KCNIP4: variants seen among roughly 807,000 people sequenced by gnomAD.
KCNIP4 encodes the protein Kv channel-interacting protein 4.
KCNIP4 carries 12 observed loss-of-function variants against 34.0 expected under a neutral mutation model. That is an observed-to-expected ratio of 0.35 (90% CI 0.23 to 0.57). The LOEUF (loss-of-function observed/expected upper bound fraction) is 0.57, where lower values mean the gene tolerates loss of function less well. Among genes scored for constraint, KCNIP4 ranks in the 20% least tolerant of loss-of-function variants. The probability of loss-of-function intolerance (pLI) is 0.83; values close to 1 mark genes in which losing one functional copy is unlikely to be tolerated. For synonymous variants in KCNIP4, 124 were observed against 102.2 expected, an observed-to-expected ratio of 1.21 and a Z score of -1.29; for missense variants, 238 against 311.7, an observed-to-expected ratio of 0.76 and a Z score of 1.78.
intron 1 of KCNIP4, among the ~76,000 whole-genome samples, chr4:21,802,914 G>C (rs1721085285): frequency 6.6e-6 from 1 of 152,008 alleles, no homozygotes; most frequent in Middle Eastern, 3.2e-3. Context: ...ACTGATCCTG[G>C]AATTTTTTTA....
chr4:21,034,857 C>T (rs1279102615), intron 1 of KCNIP4, among the ~76,000 whole-genome samples: 1 of 152,192 alleles, frequency 6.6e-6, no homozygotes, highest in Admixed American at 6.5e-5. Context: ...GTGGTGCTTT[C>T]AGACATGGTT....
At chr4:21,221,243 A>G (rs9291424) in intron 1 of KCNIP4, among the ~76,000 whole-genome samples, 77,747 of 152,066 alleles carry the variant, frequency 0.51, 22,624 homozygotes, top group African/African-American at 0.81. Context: ...CTAACCTCAC[A>G]TCTCCTAGCA....
intron 1 of KCNIP4, among the ~76,000 whole-genome samples, chr4:20,912,516 C>G (rs187689081): frequency 6.6e-6 from 1 of 150,426 alleles, no homozygotes; most frequent in East Asian, 1.9e-4. Flanking sequence ...AGCAAGCAAC[C>G]AAACAAACAA....
rs16870437 is a variant in KCNIP4, at chr4:21,135,680, T to C, written c.62-252971A>G. Among the ~76,000 whole-genome samples, 465 of 152,310 alleles carry C rather than the reference T, an allele frequency of 3.1e-3. 2 individuals are homozygous for C. Among genetic ancestry groups the C allele is most frequent in the African/African-American group, 0.011 (442 of 41,574 alleles). On this transcript the variant is annotated intron_variant, in intron 1 of 8. Coordinates refer to ENST00000382152, the MANE Select transcript of KCNIP4 (RefSeq NM_025221.6). The stretch of plus-strand genomic sequence containing the variant: ...ATTTTTAAGAGTGTATGGGTAGTAG[T>C]TTTTGATTATTCAGAATATTTGCAT...
intron 1 of KCNIP4, among the ~76,000 whole-genome samples, chr4:21,427,441 A>G (rs1410684684): frequency 2.0e-5 from 3 of 152,056 alleles, no homozygotes; most frequent in Admixed American, 2.0e-4. Flanking sequence ...AATGGTTGGG[A>G]AAGGCTAATG....
chr4:21,101,072 C>A (rs1410109975), intron 1 of KCNIP4, among the ~76,000 whole-genome samples: 1 of 152,160 alleles, frequency 6.6e-6, no homozygotes, highest in Non-Finnish European at 1.5e-5. Context: ...AGACAGTGAA[C>A]ATTGTGCCTA....
chr4:21,609,430 C>A (rs901437349), intron 1 of KCNIP4, among the ~76,000 whole-genome samples: 1 of 152,294 alleles, frequency 6.6e-6, no homozygotes, highest in African/African-American at 2.4e-5. Flanking sequence ...CAATTCCTCA[C>A]TTCGCATGAG....
At chr4:21,615,127 GAA>G (rs1277948497) in intron 1 of KCNIP4, among the ~76,000 whole-genome samples, 2 of 151,236 alleles carry the variant, frequency 1.3e-5, no homozygotes, top group Non-Finnish European at 3.0e-5. Context: ...AGGAGGGAGA[GAA>G]AAGAGTGAAA....
intron 1 of KCNIP4, among the ~76,000 whole-genome samples, chr4:21,270,985 CCAA>C (rs553416629): frequency 0.017 from 2,272 of 132,346 alleles, 61 homozygotes; most frequent in African/African-American, 0.061. Context: ...GTCCCTGTCC[CCAA>C]AAAAAAAAAA....
intron 1 of KCNIP4, among the ~76,000 whole-genome samples, chr4:21,353,404 AG>A (rs1466377627): frequency 6.6e-6 from 1 of 152,204 alleles, no homozygotes; most frequent in Non-Finnish European, 1.5e-5. Flanking sequence ...CCTTGAAAAA[AG>A]GTTAGATGAA....
chr4:20,922,939 GT>G (rs1444515508), intron 1 of KCNIP4, among the ~76,000 whole-genome samples: 1 of 152,012 alleles, frequency 6.6e-6, no homozygotes, highest in African/African-American at 2.4e-5. Flanking sequence ...GTTTTTTACA[GT>G]TTATAGTTAA....
chr4:20,965,533 T>C (rs1236730713), intron 1 of KCNIP4, among the ~76,000 whole-genome samples: 1 of 152,216 alleles, frequency 6.6e-6, no homozygotes, highest in East Asian at 1.9e-4. Context: ...TTTCCTTAAA[T>C]AATTATTCCA....
chr4:21,808,856 A>G (rs574863166), intron 1 of KCNIP4, among the ~76,000 whole-genome samples: 1 of 152,184 alleles, frequency 6.6e-6, no homozygotes, highest in African/African-American at 2.4e-5. Context: ...AGGAGCTACA[A>G]AAGCTCTACT....
chr4:21,090,723 G>A (rs1354078075), intron 1 of KCNIP4, among the ~76,000 whole-genome samples: 1 of 152,050 alleles, frequency 6.6e-6, no homozygotes, highest in Non-Finnish European at 1.5e-5. Context: ...TGCAAATGTG[G>A]ACCTCAATAT....
chr4:20,910,961 A>T (rs1728273675), intron 1 of KCNIP4, among the ~76,000 whole-genome samples: 1 of 152,200 alleles, frequency 6.6e-6, no homozygotes, highest in Non-Finnish European at 1.5e-5. Context: ...TATTAAAAAA[A>T]GGGATATCTT....
At chr4:20,988,856 G>A (rs962706905) in intron 1 of KCNIP4, among the ~76,000 whole-genome samples, 1 of 152,188 alleles carries the variant, frequency 6.6e-6, no homozygotes, top group Non-Finnish European at 1.5e-5. Flanking sequence ...ATTTCTCTTT[G>A]TAAAGTATTC....
At chr4:21,895,411 C>T (rs1391829755) in intron 1 of KCNIP4, among the ~76,000 whole-genome samples, 15 of 151,958 alleles carry the variant, frequency 9.9e-5, no homozygotes, top group African/African-American at 1.9e-4. Flanking sequence ...AGCACAATAC[C>T]GTGGTTGAAA....
intron 1 of KCNIP4, among the ~76,000 whole-genome samples, chr4:21,388,262 TAATA>T (rs1722218383): frequency 6.7e-6 from 1 of 149,948 alleles, no homozygotes; most frequent in African/African-American, 2.4e-5. Flanking sequence ...TAACCATATA[TAATA>T]AATATATATG....
At chr4:21,382,014 G>A (rs1721557353) in intron 1 of KCNIP4, among the ~76,000 whole-genome samples, 1 of 152,192 alleles carries the variant, frequency 6.6e-6, no homozygotes, top group South Asian at 2.1e-4. Context: ...AAATGGAACA[G>A]CAAATGTTGA....
Sources: gnomAD v4.1 joint callset for allele counts (sites outside exome capture counted in the v4.1 genomes callset) on GRCh38, gnomAD v4.1.1 for gene constraint, MANE v1.5 for transcripts, NCBI Gene and HGNC (gene_info 2026-07-23, HGNC 2026-07-21) for gene names.